The following PID1 variants were observed in gnomAD, a reference collection of about 807,000 sequenced individuals.
PID1 encodes the protein PTB-containing, cubilin and LRP1-interacting protein.
In PID1, 10 loss-of-function variants were observed where a neutral mutation model predicts 19.1. That is an observed-to-expected ratio of 0.52 (90% CI 0.32 to 0.89). The LOEUF is 0.89. Among genes scored for constraint, PID1 ranks in the 40% least tolerant of loss-of-function variants. PID1 has a pLI of 0.03. For synonymous variants in PID1, 130 were observed against 116.0 expected, an observed-to-expected ratio of 1.12 and a Z score of -0.78; for missense variants, 248 against 285.3, an observed-to-expected ratio of 0.87 and a Z score of 0.94.
chr2:229,070,030 C>T (rs1382530127), intron 2 of PID1, among the ~76,000 whole-genome samples: 1 of 152,200 alleles, frequency 6.6e-6, no homozygotes, highest in Non-Finnish European at 1.5e-5. Flanking sequence ...TGCTAGGAGT[C>T]AGACCAGTGC....
intron 2 of PID1, among the ~76,000 whole-genome samples, chr2:229,102,578 G>A (rs1695095437): frequency 6.6e-6 from 1 of 152,196 alleles, no homozygotes; most frequent in African/African-American, 2.4e-5. Flanking sequence ...GACACCAGAA[G>A]CTGGTCTGCA....
intron 2 of PID1, among the ~76,000 whole-genome samples, chr2:229,125,710 A>G (rs1695609485): frequency 6.6e-6 from 1 of 152,182 alleles, no homozygotes; most frequent in Non-Finnish European, 1.5e-5. Flanking sequence ...TTTTGCTGAA[A>G]ATCTTCCCAT....
chr2:229,157,050 C>T (rs1385723733), intron 1 of PID1, among the ~76,000 whole-genome samples: 2 of 152,080 alleles, frequency 1.3e-5, no homozygotes, highest in Non-Finnish European at 2.9e-5. Flanking sequence ...ATAAAGCAGC[C>T]GGCATACATA....
Position 229,244,225 on chromosome 2 carries a change from A to G in PID1, c.30+26789T>C, listed in dbSNP as rs16825901. On this transcript the variant is annotated intron_variant, in intron 1 of 2. Coordinates refer to ENST00000392055, the MANE Select transcript of PID1 (RefSeq NM_001100818.2). ...CAAGACAAACCAGGATCCCTTGTTA[A>G]GCAGTCAGCATAGTCCAAAAGAACC... is the stretch of plus-strand genomic sequence containing the variant. Among the ~76,000 whole-genome samples, 648 of 152,288 alleles carry G rather than the reference A, an allele frequency of 4.3e-3. 4 individuals are homozygous for G. The highest frequency in any genetic ancestry group is 0.015 in the African/African-American group (619 of 41,566).
At chr2:229,118,690 A>G (rs558606940) in intron 2 of PID1, among the ~76,000 whole-genome samples, 2 of 152,320 alleles carry the variant, frequency 1.3e-5, no homozygotes, top group South Asian at 4.1e-4. Flanking sequence ...CTACTCAAAT[A>G]ATGCTGATGT....
chr2:229,256,474 A>T (rs1157839912), intron 1 of PID1, among the ~76,000 whole-genome samples: 1 of 152,238 alleles, frequency 6.6e-6, no homozygotes, highest in Non-Finnish European at 1.5e-5. Context: ...ATGCTTCTTT[A>T]CAAAGGAGCT....
At chr2:229,113,887 T>C (rs941998042) in intron 2 of PID1, among the ~76,000 whole-genome samples, 3 of 152,098 alleles carry the variant, frequency 2.0e-5, no homozygotes, top group Admixed American at 6.6e-5. Context: ...TGAAGGTATT[T>C]TTCAGATGCT....
In PID1 at chr2:229,025,541, C is replaced by T; in HGVS notation, c.*91G>A. On this transcript the variant is annotated 3_prime_UTR_variant, in exon 3 of 3. Transcript: ENST00000392055. The stretch of plus-strand genomic sequence containing the variant: ...CTTGGTCAGCCAATAGTTTGGCAGT[C>T]TTTTCATCCCAAATTTGAAACGTTG... 1 of 961,024 alleles carries T rather than the reference C, an allele frequency of 1.0e-6. No individual in the cohort carries two copies. Among genetic ancestry groups the T allele is most frequent in the South Asian group, 1.6e-5 (1 of 63,758 alleles). 59.5% of individuals were successfully genotyped at this position (961,024 alleles called of 1,614,324 possible).
chr2:229,251,877 T>C (rs1690159478), intron 1 of PID1, among the ~76,000 whole-genome samples: 1 of 142,376 alleles, frequency 7.0e-6, no homozygotes, highest in African/African-American at 2.6e-5. Flanking sequence ...GTTCTCTTCA[T>C]CTATAACCCA....
Position 229,080,865 on chromosome 2 carries a change from A to G in PID1, c.178-54757T>C, listed in dbSNP as rs1694655980. Among the ~76,000 whole-genome samples, 3 of 152,186 alleles carry G rather than the reference A, an allele frequency of 2.0e-5. No homozygotes were observed. The South Asian group carries it at 6.2e-4, about 32-fold the overall frequency. On this transcript the variant is annotated intron_variant, in intron 2 of 2. Coordinates refer to ENST00000392055, the MANE Select transcript of PID1 (RefSeq NM_001100818.2). ...AATGCCTGATAACAAGAACTATCAT[A>G]AAAGACTGTAGAAAACACAACCTCA... is the stretch of plus-strand genomic sequence containing the variant.
intron 1 of PID1, among the ~76,000 whole-genome samples, chr2:229,177,504 A>C (rs748389836): frequency 2.0e-5 from 3 of 152,020 alleles, no homozygotes; most frequent in Non-Finnish European, 4.4e-5. Context: ...TCAATTCTTC[A>C]TCACATCTCT....
chr2:229,060,649 G>A (rs764961558), intron 2 of PID1, among the ~76,000 whole-genome samples: 70 of 152,062 alleles, frequency 4.6e-4, no homozygotes, highest in Non-Finnish European at 8.2e-4. Context: ...TGGGATTTCT[G>A]TATCATATGG....
intron 1 of PID1, among the ~76,000 whole-genome samples, chr2:229,176,168 A>AAAAC (rs1690818988): frequency 1.3e-5 from 2 of 151,812 alleles, no homozygotes; most frequent in Admixed American, 1.3e-4. Context: ...TTAAAAAAAA[A>AAAAC]AAAACAAAAC....
intron 2 of PID1, among the ~76,000 whole-genome samples, chr2:229,035,790 C>T (rs915531296): frequency 4.6e-5 from 7 of 152,130 alleles, no homozygotes; most frequent in Non-Finnish European, 8.8e-5. Context: ...CATACTGAGA[C>T]CAAGGCCTAG....
chr2:229,068,491 T>A (rs1574602410), intron 2 of PID1, among the ~76,000 whole-genome samples: 1 of 152,316 alleles, frequency 6.6e-6, no homozygotes, highest in South Asian at 2.1e-4. Flanking sequence ...TTTACAAAAA[T>A]TGACAAGTAA....
intron 2 of PID1, among the ~76,000 whole-genome samples, chr2:229,034,178 C>T (rs1372071217): frequency 6.6e-6 from 1 of 152,064 alleles, no homozygotes; most frequent in Admixed American, 6.5e-5. Context: ...ATTGTCGGCA[C>T]AATAATAAAT....
At chr2:229,128,917 A>G (rs563449956) in intron 2 of PID1, among the ~76,000 whole-genome samples, 2 of 152,354 alleles carry the variant, frequency 1.3e-5, no homozygotes, top group East Asian at 3.9e-4. Context: ...AACTCAAAGG[A>G]TAAATGCTCG....
At chr2:229,155,560 G>A (rs149071298) in intron 2 of PID1, among the ~76,000 whole-genome samples, 56 of 148,328 alleles carry the variant, frequency 3.8e-4, no homozygotes, top group African/African-American at 1.4e-3. Context: ...GCGACAGAGC[G>A]AGACTCCGTC....
intron 1 of PID1, among the ~76,000 whole-genome samples, chr2:229,234,338 G>T (rs1385027177): frequency 6.8e-6 from 1 of 146,442 alleles, no homozygotes; most frequent in African/African-American, 2.5e-5. Flanking sequence ...TAATTCAAGG[G>T]TCTTTTAAAT....
Sources: allele counts gnomAD v4.1 joint callset (sites outside exome capture counted in the v4.1 genomes callset), GRCh38; gene constraint gnomAD v4.1.1; transcripts MANE v1.5; gene names NCBI Gene and HGNC (gene_info 2026-07-23, HGNC 2026-07-21).